Variants in ARAP1 observed in about 807,000 individuals in gnomAD.
The protein encoded by ARAP1 is arf-GAP with Rho-GAP domain, ANK repeat and PH domain-containing protein 1.
ARAP1 carries 76 observed loss-of-function variants against 172.2 expected under a neutral mutation model. The ratio of observed to expected loss-of-function variants is 0.44; its 90% confidence interval spans 0.37 to 0.53. ARAP1 has a LOEUF of 0.53. Ranked by LOEUF, ARAP1 falls within the 20% of genes least tolerant of loss-of-function variation. The pLI is 0.00. For missense variants in ARAP1, 1,686 were observed against 1,977.5 expected, an observed-to-expected ratio of 0.85 and a Z score of 2.80; for synonymous variants, 804 against 803.3, an observed-to-expected ratio of 1.00 and a Z score of -0.01.
At position 72,685,514 on chromosome 11, in the gene ARAP1, C is replaced by A; in HGVS notation, c.*150G>T. 8.8e-7 allele frequency: 1 copy of A among 1,131,006 alleles called. No homozygotes were observed. Among genetic ancestry groups the A allele is most frequent in the Non-Finnish European group, 1.3e-6 (1 of 766,836 alleles). The allele number at this position is 1,131,006 out of a possible 1,614,324, so 70.1% of individuals were successfully genotyped here. ...GCCTCCCACCCCTGCCGGGGAACCC[C>A]ATGCTGCAGTCAGGATGGAGGATGT... is the stretch of plus-strand genomic sequence containing the variant. On this transcript the variant is annotated 3_prime_UTR_variant, in exon 35 of 35. Coordinates refer to ENST00000393609, the MANE Select transcript of ARAP1 (RefSeq NM_001040118.3).
chr11:72,704,110 C>T lies in ARAP1; in HGVS notation c.1992+42G>A, dbSNP rs370465091. 1.0e-4 allele frequency: 169 copies of T among 1,612,076 alleles called. 3 individuals carry two copies. The South Asian group carries it at 1.2e-3, about 11-fold the overall frequency. On this transcript the variant is annotated intron_variant, in intron 14 of 34. Coordinates refer to ENST00000393609, the MANE Select transcript of ARAP1 (RefSeq NM_001040118.3). ...CATGAGGAACAGGGCAGCAGAAAGA[C>T]GGGGGTGGTCCCAAGGGGCCCCAGA...
chr11:72,710,359 G>C lies in ARAP1; in HGVS notation c.1416+26C>G. 1 of 1,611,924 alleles carries C rather than the reference G, an allele frequency of 6.2e-7. No individual in the cohort carries two copies. Among genetic ancestry groups the C allele is most frequent in the South Asian group, 1.1e-5 (1 of 90,918 alleles). ...GGCAGGGTAGGTGGACATGGGCAGGGGAGAGGTTCCATGACCCCTTAGCAC... is the reference window on the plus strand; with the variant it reads ...GGCAGGGTAGGTGGACATGGGCAGGCGAGAGGTTCCATGACCCCTTAGCAC... On this transcript the variant is annotated intron_variant, in intron 10 of 34. Coordinates refer to ENST00000393609, the MANE Select transcript of ARAP1 (RefSeq NM_001040118.3). The surrounding 1 kb of genome is among the most constrained non-coding windows in gnomAD (Gnocchi z 4.3).
At chr11:72,731,335 G>C (rs942330798) in intron 2 of ARAP1, among the ~76,000 whole-genome samples, 1 of 152,186 alleles carries the variant, frequency 6.6e-6, no homozygotes, top group Admixed American at 6.5e-5. Context: ...GGGTCACGGG[G>C]ACAGATCCCT....
At chr11:72,750,838 C>T (rs1051644019) in intron 1 of ARAP1, among the ~76,000 whole-genome samples, 72 of 152,328 alleles carry the variant, frequency 4.7e-4, no homozygotes, top group African/African-American at 1.6e-3. Context: ...TGTGCCATTA[C>T]ACAAGACTGA....
chr11:72,714,291 C>T lies in ARAP1; in HGVS notation c.540G>A (p.Leu180=), dbSNP rs377094379. The T allele has an allele frequency of 1.9e-6, 3 of 1,546,320 alleles. No homozygotes were observed. Among genetic ancestry groups the T allele is most frequent in the South Asian group, 1.2e-5 (1 of 82,566 alleles). ...SLPTKEEESL[L]PSLSSPPQPQ... Reference sequence around the variant, plus strand: ...GCTGGGGAGGGGATGATAATGATGGCAGCAATGACTCCTCCTCCTTAGTGG... The same window carrying T: ...GCTGGGGAGGGGATGATAATGATGGTAGCAATGACTCCTCCTCCTTAGTGG... Residue 180 remains leucine (L), a synonymous_variant, in exon 4 of 35, where the codon CTG becomes CTA. Transcript: ENST00000393609.
intron 4 of ARAP1, among the ~76,000 whole-genome samples, chr11:72,713,499 G>A (rs1288864946): frequency 2.0e-5 from 3 of 152,224 alleles, no homozygotes; most frequent in Non-Finnish European, 2.9e-5. Flanking sequence ...GGGGGTTGGG[G>A]TAAGGACTGT....
At chr11:72,688,625 C>T in intron 30 of ARAP1, 88 bp from the exon 31 acceptor site, 1 of 1,099,172 alleles carries the variant, frequency 9.1e-7, no homozygotes, top group South Asian at 1.4e-5. Flanking sequence ...CCTCTTCCAA[C>T]TCCCCAGCCC....
chr11:72,695,750 C>T lies in ARAP1; in HGVS notation c.3388G>A (p.Asp1130Asn). The T allele has an allele frequency of 1.2e-6, 2 of 1,614,216 alleles. No individual in the cohort carries two copies. Among genetic ancestry groups the T allele is most frequent in the Non-Finnish European group, 1.7e-6 (2 of 1,180,024 alleles). ...QDYKAGRVVE[D>N]LINHYVVVFS... ...ACCACCACATAGTGGTTAATGAGGTCTTCCACCACACGGCCAGCCTTGTAG... is the reference window on the plus strand; with the variant it reads ...ACCACCACATAGTGGTTAATGAGGTTTTCCACCACACGGCCAGCCTTGTAG... Residue 1130 changes from aspartate (D) to asparagine (N), a missense_variant, in exon 24 of 35, where the codon GAC (aspartate) becomes AAC (asparagine). Asp to Asn is a conservative substitution (Grantham distance 23, BLOSUM62 1). Around this residue, in one of 5 missense-constraint regions of ARAP1, gnomAD observed 379 missense variants for 500.1 expected, o/e 0.76. Transcript: ENST00000393609. This position sits in a 1 kb window ranked among gnomAD's most constrained non-coding sequence, Gnocchi z 4.4.
intron 3 of ARAP1, among the ~76,000 whole-genome samples, chr11:72,719,173 G>A (rs935929692): frequency 6.6e-6 from 1 of 152,174 alleles, no homozygotes; most frequent in Non-Finnish European, 1.5e-5. Context: ...GGGCTTCTCT[G>A]AGGCCAGTCT....
intron 1 of ARAP1, among the ~76,000 whole-genome samples, chr11:72,750,411 G>A (rs918574295): frequency 1.3e-5 from 2 of 152,104 alleles, no homozygotes; most frequent in Non-Finnish European, 2.9e-5. Flanking sequence ...AGAGGGCTCC[G>A]GAAAATGGAA....
intron 1 of ARAP1, among the ~76,000 whole-genome samples, chr11:72,748,764 GTCC>G (rs1858447710): frequency 6.6e-6 from 1 of 152,180 alleles, no homozygotes; most frequent in African/African-American, 2.4e-5. Flanking sequence ...AGGTGGGACT[GTCC>G]TCCTCAGATC....
At chr11:72,703,167 A>G (rs1856575916) in intron 14 of ARAP1, 88 bp from the exon 15 acceptor site, 1 of 1,329,462 alleles carries the variant, frequency 7.5e-7, no homozygotes, top group Admixed American at 2.9e-5. Context: ...AAAGAAAAGG[A>G]AGGAGTCACC....
chr11:72,746,418 G>A (rs905870694), intron 1 of ARAP1, among the ~76,000 whole-genome samples: 9 of 152,202 alleles, frequency 5.9e-5, no homozygotes, highest in African/African-American at 1.9e-4. Flanking sequence ...GGCCTCAGCC[G>A]TCTGCACCAA....
chr11:72,694,426 C>T (rs1301207782), intron 27 of ARAP1, among the ~76,000 whole-genome samples: 1 of 151,840 alleles, frequency 6.6e-6, no homozygotes, highest in African/African-American at 2.4e-5. Flanking sequence ...AAGGGCTGTG[C>T]CTCTGCCCAC....
chr11:72,717,794 A>T (rs891540593), intron 3 of ARAP1, among the ~76,000 whole-genome samples: 7 of 152,174 alleles, frequency 4.6e-5, no homozygotes, highest in African/African-American at 1.7e-4. Context: ...CACTTTACAG[A>T]GGAGAAAACC....
At chr11:72,703,311 T>G in intron 14 of ARAP1, 8 of 386,148 alleles carry the variant, frequency 2.1e-5, no homozygotes, top group Non-Finnish European at 2.3e-5. Context: ...GGATCCCAGC[T>G]GCCCGGGGCC....
intron 8 of ARAP1, 29 bp downstream of exon 8, chr11:72,711,401 G>T (rs750374602): frequency 4.4e-6 from 7 of 1,600,812 alleles, no homozygotes; most frequent in Non-Finnish European, 6.0e-6. Context: ...CTGGAGCAGG[G>T]GTCGCGTCAG....
chr11:72,726,701 G>GGGGGCAGCACAGGGTCT lies in ARAP1; in HGVS notation c.411_427dup (p.Pro143GlnfsTer17). 7.1e-6 allele frequency: 11 copies of GGGGGCAGCACAGGGTCT among 1,548,026 alleles called. No individual in the cohort carries two copies. The highest frequency in any genetic ancestry group is 9.6e-6 in the Non-Finnish European group (11 of 1,145,110). ...TGCCAAATGCCGCTTAGCAGGCAGC[G>GGGGGCAGCACAGGGTCT]GGGGCAGCACAGGGTCTGGGGCAGC... On this transcript the variant is annotated frameshift_variant, in exon 3 of 35. Transcript: ENST00000393609. LOFTEE classifies it high-confidence loss of function. The surrounding 1 kb of genome is among the most constrained non-coding windows in gnomAD (Gnocchi z 6.5).
intron 5 of ARAP1, 161 bp downstream of exon 5, chr11:72,713,015 G>A (rs1319815951): frequency 5.3e-6 from 4 of 749,626 alleles, no homozygotes; most frequent in African/African-American, 3.5e-5. Context: ...GTGGCTACAC[G>A]TGACTCCTGA....
Sources: gnomAD v4.1 joint callset for allele counts (sites outside exome capture counted in the v4.1 genomes callset) on GRCh38, gnomAD v4.1.1 for gene constraint, gnomAD v4.1.1 regional missense constraint, Gnocchi (gnomAD v3.1) non-coding constraint, MANE v1.5 for transcripts, NCBI Gene and HGNC (gene_info 2026-07-23, HGNC 2026-07-21) for gene names.